The following FAM153A variants were observed in gnomAD, a reference collection of about 807,000 sequenced individuals.
FAM153A encodes the protein protein FAM153A.
FAM153A carries 12 observed loss-of-function variants against 48.1 expected under a neutral mutation model. That is an observed-to-expected ratio of 0.25 (90% CI 0.16 to 0.40). The LOEUF (loss-of-function observed/expected upper bound fraction) is 0.40, where lower values mean the gene tolerates loss of function less well. Ranked by LOEUF, FAM153A falls within the 10% of genes least tolerant of loss-of-function variation. The probability of loss-of-function intolerance (pLI) is 1.00; values close to 1 mark genes in which losing one functional copy is unlikely to be tolerated. For missense variants in FAM153A, 111 were observed against 345.8 expected, an observed-to-expected ratio of 0.32 and a Z score of 5.38; for synonymous variants, 36 against 118.2, an observed-to-expected ratio of 0.30 and a Z score of 4.51.
chr5:177,734,782 T>G (rs28420554), intron 13 of FAM153A, 81 bp downstream of exon 15: 12 of 1,610,348 alleles, frequency 7.5e-6, no homozygotes, highest in African/African-American at 2.7e-5. Flanking sequence ...TATCTTCAGA[T>G]TCTCATATCT....
downstream of FAM153A, among the ~76,000 whole-genome samples, chr5:177,703,670 T>G (rs1582084919): frequency 1.1e-5 from 1 of 92,082 alleles, no homozygotes; most frequent in Non-Finnish European, 2.1e-5. Flanking sequence ...TGGTGGGGGG[T>G]GATTGGACCC....
chr5:177,711,565 G>A (rs1468359156), exon 27 of FAM153A: 1 of 151,916 alleles, frequency 6.6e-6, no homozygotes, highest in African/African-American at 2.4e-5. Flanking sequence ...AATTCCTCAA[G>A]GAGGAATATG....
intron 10 of FAM153A, among the ~76,000 whole-genome samples, chr5:177,737,767 G>A (rs576467990): frequency 4.0e-5 from 6 of 151,732 alleles, no homozygotes; most frequent in African/African-American, 9.7e-5. Context: ...TGATCCACCC[G>A]TCTTGGCCCC....
chr5:177,710,548 A>C (rs1378973794), downstream of FAM153A, among the ~76,000 whole-genome samples: 2 of 151,164 alleles, frequency 1.3e-5, no homozygotes, highest in Admixed American at 6.6e-5. Context: ...ATCCGTGTTC[A>C]AAATCTGGAT....
At chr5:177,764,538 C>G (rs2127714505) in intron 1 of FAM153A, among the ~76,000 whole-genome samples, 1 of 124,920 alleles carries the variant, frequency 8.0e-6, no homozygotes. Flanking sequence ...TGGGCTGGGC[C>G]CAGTAAAAGC....
At chr5:177,703,418 G>C (rs1277230277), downstream of FAM153A, among the ~76,000 whole-genome samples, 1 of 151,384 alleles carries the variant, frequency 6.6e-6, no homozygotes, top group African/African-American at 2.4e-5. Context: ...TAACTAACTT[G>C]TTTTTGATTT....
At chr5:177,749,260 C>G (rs1766506846) in intron 2 of FAM153A, among the ~76,000 whole-genome samples, 1 of 151,398 alleles carries the variant, frequency 6.6e-6, no homozygotes. Context: ...CCTTAGGAAA[C>G]TAGAGAAAAA....
At position 177,716,556 on chromosome 5, in the gene FAM153A, T is replaced by C. The variant is rs376288519; in HGVS notation, c.*1152-141A>G. ...GCATGCCTATCAGCGAGAAGGTGCCTGACAATTCTCAGTTGAAATGTCCTG... is the reference window on the plus strand; with the variant it reads ...GCATGCCTATCAGCGAGAAGGTGCCCGACAATTCTCAGTTGAAATGTCCTG... On this transcript the variant is annotated intron_variant and NMD_transcript_variant, in intron 24 of 26. Transcript: ENST00000360669. 1.3e-5 allele frequency: 2 copies of C among 151,840 alleles called. 1 individual carries two copies. The highest frequency in any genetic ancestry group is 4.9e-5 in the African/African-American group (2 of 41,132). The allele number at this position is 151,840 out of a possible 1,614,324, so 9.4% of individuals were successfully genotyped here.
At chr5:177,740,622 C>T (rs1045122127) in intron 8 of FAM153A, among the ~76,000 whole-genome samples, 155 bp downstream of exon 10, 1 of 116,334 alleles carries the variant, frequency 8.6e-6, no homozygotes, top group South Asian at 3.2e-4. Context: ...CACTGTGTTG[C>T]CCAGGCTAGA....
At chr5:177,696,077 G>A in the FAM153A span, among the ~76,000 whole-genome samples, 3 of 144,338 alleles carry the variant, frequency 2.1e-5, no homozygotes, top group East Asian at 2.0e-4. Context: ...ATGGGCGGCC[G>A]GGCAGAGGCG....
chr5:177,694,906 C>T, the FAM153A span, among the ~76,000 whole-genome samples: 1 of 151,712 alleles, frequency 6.6e-6, no homozygotes, highest in African/African-American at 2.4e-5. Context: ...TTATTTTCTT[C>T]TAAACATTTT....
In FAM153A at chr5:177,772,233, A is replaced by G. The variant is rs1302623229; in HGVS notation, c.-57+8216T>C. 5.1e-5 allele frequency among the ~76,000 whole-genome samples: 5 copies of G among 97,354 alleles called. 2 individuals carry two copies. The highest frequency in any genetic ancestry group is 2.0e-4 in the African/African-American group (5 of 24,476). The allele number at this position is 97,354 out of a possible 152,430, so 63.9% of individuals were successfully genotyped here. A position where few individuals can be genotyped will look rare whatever the true frequency, so the allele number is the denominator to read the frequency against. On this transcript the variant is annotated intron_variant, in intron 1 of 8. Transcript: ENST00000393518. ...CTATACTCAACTGATTAAAGCCATA[A>G]AAGAAATAAGTGGGGGGAGGAGCCA...
At chr5:177,766,554 A>G (rs6862851) in intron 1 of FAM153A, among the ~76,000 whole-genome samples, 840 of 82,976 alleles carry the variant, frequency 0.01, 1 homozygote, top group African/African-American at 0.037. Flanking sequence ...TTAAGCAGAA[A>G]TACTAGCCTA....
chr5:177,779,099 CT>C (rs1379591468), intron 1 of FAM153A, among the ~76,000 whole-genome samples: 1 of 151,624 alleles, frequency 6.6e-6, no homozygotes, highest in Non-Finnish European at 1.5e-5. Context: ...CATAGAGTTC[CT>C]TTTACTTGCT....
At chr5:177,764,673 C>T (rs1258374213) in intron 1 of FAM153A, among the ~76,000 whole-genome samples, 1 of 151,638 alleles carries the variant, frequency 6.6e-6, no homozygotes, top group Non-Finnish European at 1.5e-5. Flanking sequence ...TGGGCTCGCC[C>T]CCAATTAGAA....
At chr5:177,710,033 C>T (rs1310373919), downstream of FAM153A, among the ~76,000 whole-genome samples, 1 of 146,318 alleles carries the variant, frequency 6.8e-6, no homozygotes, top group Non-Finnish European at 1.5e-5. Flanking sequence ...TGCTCATTTG[C>T]AATATATAAT....
chr5:177,709,150 T>A (rs546485284), downstream of FAM153A, among the ~76,000 whole-genome samples: 124 of 141,736 alleles, frequency 8.7e-4, no homozygotes, highest in Admixed American at 1.7e-3. Flanking sequence ...AAGCCTAGTT[T>A]TGTCACTCAA....
In FAM153A at chr5:177,753,143, T is replaced by C. The variant is rs534629253; in HGVS notation, c.31+33A>G. The C allele has an allele frequency of 9.1e-5, 146 of 1,599,498 alleles. 1 individual carries two copies. The highest frequency in any genetic ancestry group is 1.1e-4 in the Non-Finnish European group (128 of 1,173,756). On this transcript the variant is annotated intron_variant, in intron 1 of 20. Transcript: ENST00000614127. The stretch of plus-strand genomic sequence containing the variant: ...AGGAAAACTGGCTCATCTGAAGAAA[T>C]TGCAGTCAGAAGATGGAAATGAACA...
At chr5:177,759,829 G>C (rs1768134203) in intron 1 of FAM153A, among the ~76,000 whole-genome samples, 1 of 151,756 alleles carries the variant, frequency 6.6e-6, no homozygotes, top group Non-Finnish European at 1.5e-5. Flanking sequence ...GGGAGGGATA[G>C]CATTAGGAGA....
Sources: allele counts gnomAD v4.1 joint callset (sites outside exome capture counted in the v4.1 genomes callset), GRCh38; gene constraint gnomAD v4.1.1; transcripts MANE v1.5; gene names NCBI Gene and HGNC (gene_info 2026-07-23, HGNC 2026-07-21).